The following ADAMTS20 variants were observed in gnomAD, a reference collection of about 807,000 sequenced individuals.
The protein encoded by ADAMTS20 is A disintegrin and metalloproteinase with thrombospondin motifs 20.
ADAMTS20 carries 225 observed loss-of-function variants against 260.1 expected under a neutral mutation model. The ratio of observed to expected loss-of-function variants is 0.87; its 90% confidence interval spans 0.78 to 0.97. ADAMTS20 has a LOEUF of 0.97. ADAMTS20 is among the 50% of genes least tolerant of loss of function. ADAMTS20 has a pLI of 0.00. For synonymous variants in ADAMTS20, 802 were observed against 769.5 expected, an observed-to-expected ratio of 1.04 and a Z score of -0.70; for missense variants, 2,400 against 2,337.7, an observed-to-expected ratio of 1.03 and a Z score of -0.55.
chr12:43,540,675 G>A (rs1333176636), intron 2 of ADAMTS20, among the ~76,000 whole-genome samples: 1 of 152,012 alleles, frequency 6.6e-6, no homozygotes, highest in Non-Finnish European at 1.5e-5. Context: ...ATTGTACTTA[G>A]ATCATGCCAT....
At chr12:43,377,298 A>G in intron 32 of ADAMTS20, 67 bp downstream of exon 32, 1 of 1,417,848 alleles carries the variant, frequency 7.1e-7, no homozygotes, top group Non-Finnish European at 9.5e-7. Context: ...ATACAAACAG[A>G]TTACCAGATT....
At chr12:43,441,341 A>T (rs1305908856) in intron 16 of ADAMTS20, among the ~76,000 whole-genome samples, 1 of 151,656 alleles carries the variant, frequency 6.6e-6, no homozygotes, top group Admixed American at 6.6e-5. Context: ...TATATATACA[A>T]ATAGAGAAGA....
chr12:43,425,654 G>A lies in ADAMTS20; in HGVS notation c.4144C>T (p.Leu1382Phe). The change falls in exon 28 of 39, where the codon CTT becomes TTT. Residue 1382 changes from leucine to phenylalanine, a missense_variant. Leu to Phe is a conservative substitution (Grantham distance 22, BLOSUM62 0). Coordinates refer to ENST00000389420, the MANE Select transcript of ADAMTS20 (RefSeq NM_025003.5). ...CCATTGGGAAATTGACATATTACAA[G>A]TCTTGATTTTATTCCTCCTCCACAT... Reference protein sequence around the residue: ...QTCGGGIKSRLVICQFPNGQI... With the variant: ...QTCGGGIKSRFVICQFPNGQI... The A allele has an allele frequency of 6.2e-7, 1 of 1,606,492 alleles. No homozygotes were observed. The highest frequency in any genetic ancestry group is 8.5e-7 in the Non-Finnish European group (1 of 1,175,760).
chr12:43,441,457 ATTTAAG>A (rs71091156), intron 16 of ADAMTS20, among the ~76,000 whole-genome samples: 30,218 of 151,870 alleles, frequency 0.2, 3,230 homozygotes, highest in South Asian at 0.32. Flanking sequence ...AAAACAATGG[ATTTAAG>A]TTTAAGTTGT....
rs779530756 is a variant in ADAMTS20 at position 43,452,399 on chromosome 12, C to A, written c.1954G>T (p.Asp652Tyr). 4 of 1,610,866 alleles carry A rather than the reference C, an allele frequency of 2.5e-6. No individual in the cohort carries two copies. Among genetic ancestry groups the A allele is most frequent in the Admixed American group, 3.4e-5 (2 of 59,450 alleles). Residue 652 changes from aspartate to tyrosine, a missense_variant, in exon 14 of 39, where the codon GAT (aspartate) becomes TAT (tyrosine). Coordinates refer to ENST00000389420, the MANE Select transcript of ADAMTS20 (RefSeq NM_025003.5). ...LPRYSGIGTKDRCKLYCQVAG... is the reference protein window; with the variant it reads ...LPRYSGIGTKYRCKLYCQVAG... ...ACCTGACAATAGAGTTTACAACGAT[C>A]CTTTGTGCCAACTGTAAAAAAGAAA...
At chr12:43,471,688 GA>G (rs2137394710) in intron 7 of ADAMTS20, among the ~76,000 whole-genome samples, 1 of 141,042 alleles carries the variant, frequency 7.1e-6, no homozygotes, top group South Asian at 2.5e-4. Context: ...CCTGACCCCC[GA>G]GCAGCCTAAC....
intron 3 of ADAMTS20, among the ~76,000 whole-genome samples, chr12:43,523,830 C>T (rs367615598): frequency 6.6e-6 from 1 of 151,254 alleles, no homozygotes; most frequent in East Asian, 2.0e-4. Flanking sequence ...TTGCCTGACC[C>T]AGCCCCCAGC....
At chr12:43,382,880 G>A (rs181643514) in intron 31 of ADAMTS20, among the ~76,000 whole-genome samples, 1 of 151,846 alleles carries the variant, frequency 6.6e-6, no homozygotes, top group African/African-American at 2.4e-5. Context: ...AAAAGCAAAT[G>A]TAAAGACATC....
chr12:43,425,844 G>A (rs1020534061), intron 27 of ADAMTS20, among the ~76,000 whole-genome samples, 154 bp from the exon 28 acceptor site: 4 of 152,082 alleles, frequency 2.6e-5, no homozygotes, highest in Admixed American at 6.6e-5. Flanking sequence ...TAATGGTAGC[G>A]TTTAAGTTTA....
intron 37 of ADAMTS20, among the ~76,000 whole-genome samples, chr12:43,359,148 G>A (rs1939814771): frequency 6.6e-6 from 1 of 152,096 alleles, no homozygotes; most frequent in Non-Finnish European, 1.5e-5. Flanking sequence ...CTGACATTTT[G>A]AAGAAGCAGC....
intron 8 of ADAMTS20, among the ~76,000 whole-genome samples, chr12:43,467,731 T>C (rs1181749319): frequency 6.6e-6 from 1 of 152,082 alleles, no homozygotes; most frequent in Non-Finnish European, 1.5e-5. Flanking sequence ...GTGTAGCTTG[T>C]TGATGATTAT....
chr12:43,452,277 A>G lies in ADAMTS20; in HGVS notation c.2076T>C (p.Cys692=), dbSNP rs573700035. 2 of 1,606,684 alleles carry G rather than the reference A, an allele frequency of 1.2e-6. No homozygotes were observed. Among genetic ancestry groups the G allele is most frequent in the East Asian group, 2.2e-5 (1 of 44,820 alleles). Residue 692 remains cysteine, a synonymous_variant, in exon 14 of 39, where the codon TGT becomes TGC. Coordinates refer to ENST00000389420, the MANE Select transcript of ADAMTS20 (RefSeq NM_025003.5). The part of the protein sequence containing the change: ...ETHDICVQGQ[C]MAAGCDHVLN... ...TAGAAACTTATAGTTTACTTACCAT[A>G]CACTGGCCTTGAACACAGATGTCAT...
chr12:43,416,859 T>A (rs947629492), intron 28 of ADAMTS20, among the ~76,000 whole-genome samples: 3 of 152,146 alleles, frequency 2.0e-5, no homozygotes, highest in Non-Finnish European at 4.4e-5. Context: ...ATGGTTTTGC[T>A]ATAGGTGGTC....
intron 18 of ADAMTS20, among the ~76,000 whole-genome samples, chr12:43,435,654 A>C (rs1211357518): frequency 2.1e-5 from 3 of 144,816 alleles, no homozygotes; most frequent in African/African-American, 7.6e-5. Flanking sequence ...AAAAAAAAAA[A>C]AAACAAAAAA....
At chr12:43,442,265 T>C (rs2137329997) in intron 16 of ADAMTS20, among the ~76,000 whole-genome samples, 1 of 152,078 alleles carries the variant, frequency 6.6e-6, no homozygotes, top group South Asian at 2.1e-4. Flanking sequence ...ATTTCTTTTT[T>C]TTTTTTTTTG....
intron 36 of ADAMTS20, among the ~76,000 whole-genome samples, chr12:43,374,632 G>A (rs1940181623): frequency 6.6e-6 from 1 of 152,100 alleles, no homozygotes; most frequent in Admixed American, 6.5e-5. Flanking sequence ...ACAACATTGT[G>A]ATATAGTATC....
chr12:43,537,864 T>C lies in ADAMTS20; in HGVS notation c.454-5669A>G, dbSNP rs574876844. Reference sequence around the variant, plus strand: ...ACTAGATCTCATTCTTTTTTATGGCTGAATAGTACTCCATTGAGTATATGT... The same window carrying C: ...ACTAGATCTCATTCTTTTTTATGGCCGAATAGTACTCCATTGAGTATATGT... On this transcript the variant is annotated intron_variant, in intron 2 of 38. Coordinates refer to ENST00000389420, the MANE Select transcript of ADAMTS20 (RefSeq NM_025003.5). Among the ~76,000 whole-genome samples the C allele has an allele frequency of 2.0e-5, 3 of 152,358 alleles. No individual in the cohort carries two copies. The East Asian group carries it at 5.8e-4, about 29-fold the overall frequency.
intron 19 of ADAMTS20, chr12:43,433,695 C>A: frequency 3.5e-6 from 1 of 289,094 alleles, no homozygotes; most frequent in Non-Finnish European, 6.2e-6. Context: ...CACACACATG[C>A]ACACACAAAC....
chr12:43,551,907 C>T lies in ADAMTS20; in HGVS notation c.15G>A (p.Lys5=). MWVA[K]WLTGLLYHLS... The stretch of plus-strand genomic sequence containing the variant: ...GATGGTAGAGCAGCCCAGTCAGCCA[C>T]TTGGCCACCCACATGGTTCCACCCT... The change falls in exon 1 of 39, where the codon AAG becomes AAA. Residue 5 remains lysine (K), a synonymous_variant. Coordinates refer to ENST00000389420, the MANE Select transcript of ADAMTS20 (RefSeq NM_025003.5). This position sits in a 1 kb window ranked among gnomAD's most constrained non-coding sequence, Gnocchi z 4.6. The T allele has an allele frequency of 6.2e-7, 1 of 1,613,650 alleles. No individual in the cohort carries two copies. The highest frequency in any genetic ancestry group is 8.5e-7 in the Non-Finnish European group (1 of 1,179,740).
Sources: allele counts gnomAD v4.1 joint callset (sites outside exome capture counted in the v4.1 genomes callset), GRCh38; gene constraint gnomAD v4.1.1; non-coding constraint Gnocchi (gnomAD v3.1); transcripts MANE v1.5; gene names NCBI Gene and HGNC (gene_info 2026-07-23, HGNC 2026-07-21).